DNAH5: variants seen among roughly 807,000 people sequenced by gnomAD.
DNAH5 encodes dynein axonemal heavy chain 5, also known as axonemal beta dynein heavy chain 5.
A neutral mutation model predicts 518.2 loss-of-function variants in DNAH5; 372 were observed. The observed-to-expected ratio is 0.72, with a 90% CI of 0.66 to 0.78. DNAH5 has a LOEUF of 0.78. Among genes scored for constraint, DNAH5 ranks in the 30% least tolerant of loss-of-function variants. DNAH5 has a pLI of 0.00. For synonymous variants in DNAH5, 2,039 were observed against 2,025.9 expected (o/e 1.01, Z -0.17); for missense variants, 5,523 against 5,687.0 (o/e 0.97, Z 0.93).
At position 13,931,168 on chromosome 5, in the gene DNAH5, G is replaced by A; in HGVS notation, c.134C>T (p.Ala45Val). Reference sequence around the variant, plus strand: ...GGTTTTGTTCAGGTCCAAACAGGAAGCCACAATTGCAAATAAGTAGTTATG... The same window carrying A: ...GGTTTTGTTCAGGTCCAAACAGGAAACCACAATTGCAAATAAGTAGTTATG... ...ARHNYLFAIV[A>V]SCLDLNKTEV... is the part of the protein sequence containing the mutation. The change falls in exon 2 of 79, where the codon GCT becomes GTT. Residue 45 changes from alanine (A) to valine (V), a missense_variant. Ala to Val is a moderately conservative substitution (Grantham distance 64, BLOSUM62 0). Coordinates refer to ENST00000265104, the MANE Select transcript of DNAH5 (RefSeq NM_001369.3). 1 of 1,614,116 alleles carries A rather than the reference G, an allele frequency of 6.2e-7. No individual in the cohort carries two copies. Among genetic ancestry groups the A allele is most frequent in the South Asian group, 1.1e-5 (1 of 91,084 alleles).
At chr5:13,711,200 G>C (rs946067225) in intron 75 of DNAH5, among the ~76,000 whole-genome samples, 1 of 152,112 alleles carries the variant, frequency 6.6e-6, no homozygotes, top group African/African-American at 2.4e-5. Flanking sequence ...CAGGGATGCA[G>C]GGATGGTTTA....
chr5:13,937,504 C>A (rs1181029171), intron 1 of DNAH5, among the ~76,000 whole-genome samples: 1 of 151,064 alleles, frequency 6.6e-6, no homozygotes, highest in Non-Finnish European at 1.5e-5. Context: ...AGGTTAGTTC[C>A]TCATTTGGGT....
chr5:13,753,298 A>G lies in DNAH5; in HGVS notation c.10807T>C (p.Leu3603=), dbSNP rs1456644893. 10 of 1,614,040 alleles carry G rather than the reference A, an allele frequency of 6.2e-6. No homozygotes were observed. Among genetic ancestry groups the G allele is most frequent in the Non-Finnish European group, 7.6e-6 (9 of 1,179,940 alleles). ...TTGCCTTGAGTCTGTGGATCAATTA[A>G]CAAAGGGTAACGAGATGCCTTCGTG... ...IVTKASRYPL[L]IDPQTQGKIW... Residue 3603 remains leucine, a synonymous_variant, in exon 63 of 79, where the codon TTA becomes CTA. Transcript: ENST00000265104.
chr5:13,906,174 G>A (rs564715881), intron 12 of DNAH5, among the ~76,000 whole-genome samples: 16 of 152,122 alleles, frequency 1.1e-4, no homozygotes, highest in South Asian at 4.1e-4. Context: ...ATATTACCAC[G>A]GTCGATGCAT....
rs1422125406 is a variant in DNAH5 at position 13,885,052 on chromosome 5, T to A, written c.2920A>T (p.Thr974Ser). The change falls in exon 19 of 79, where the codon ACA becomes TCA. Residue 974 changes from threonine (T) to serine (S), a missense_variant. Thr to Ser is a moderately conservative substitution (Grantham distance 58). Transcript: ENST00000265104. ...HQNMDALLKV[T>S]RNTLEAIRKR... is the part of the protein sequence containing the mutation. ...CGAATGGCCTCTAGTGTATTCCTTG[T>A]AACTTTCAGAAGAGCATCCATGTTC... The A allele has an allele frequency of 6.2e-7, 1 of 1,614,204 alleles. No individual in the cohort carries two copies. Among genetic ancestry groups the A allele is most frequent in the Admixed American group, 1.7e-5 (1 of 60,034 alleles).
intron 65 of DNAH5, 49 bp from the exon 66 acceptor site, chr5:13,737,544 T>C: frequency 6.3e-7 from 1 of 1,589,698 alleles, no homozygotes; most frequent in Non-Finnish European, 8.6e-7. Flanking sequence ...CAACTCTTGT[T>C]GAGTATTCCT....
At chr5:13,695,368 C>A (rs568719691) in intron 78 of DNAH5, among the ~76,000 whole-genome samples, 7 of 152,138 alleles carry the variant, frequency 4.6e-5, no homozygotes, top group Non-Finnish European at 8.8e-5. Context: ...CCTGTGCCCT[C>A]CCACTGCCTA....
At chr5:13,872,341 A>G (rs1404053758) in intron 22 of DNAH5, among the ~76,000 whole-genome samples, 1 of 152,226 alleles carries the variant, frequency 6.6e-6, no homozygotes, top group African/African-American at 2.4e-5. Flanking sequence ...CATAAAATGT[A>G]TAATTCATAT....
chr5:13,933,913 G>A (rs1404233285), intron 1 of DNAH5, among the ~76,000 whole-genome samples: 1 of 152,090 alleles, frequency 6.6e-6, no homozygotes, highest in East Asian at 1.9e-4. Context: ...GGATTGGTTG[G>A]GTTAATTAGG....
At chr5:13,824,550 T>C (rs1762648988) in intron 38 of DNAH5, among the ~76,000 whole-genome samples, 1 of 152,234 alleles carries the variant, frequency 6.6e-6, no homozygotes. Context: ...ATCATTAGCT[T>C]AAGCCCTTAG....
chr5:13,819,664 C>A (rs1028729564), intron 41 of DNAH5, among the ~76,000 whole-genome samples: 1 of 152,092 alleles, frequency 6.6e-6, no homozygotes. Flanking sequence ...GAAAGAGAGT[C>A]ATCCATGTCT....
In DNAH5 at chr5:13,771,569, C is replaced by A. The variant is rs145689968; in HGVS notation, c.9374-589G>T. ...TCTCCTGTTGGAGACCTTTACCTTC[C>A]CCACATTGCCAAATGGGGGACCAAT... On this transcript the variant is annotated intron_variant, in intron 55 of 78. Coordinates refer to ENST00000265104, the MANE Select transcript of DNAH5 (RefSeq NM_001369.3). 5.5e-3 allele frequency among the ~76,000 whole-genome samples: 831 copies of A among 152,132 alleles called. 2 individuals carry two copies. Among genetic ancestry groups the A allele is most frequent in the African/African-American group, 0.019 (781 of 41,488 alleles).
intron 7 of DNAH5, among the ~76,000 whole-genome samples, chr5:13,918,813 T>C (rs996009439): frequency 6.6e-6 from 1 of 152,182 alleles, no homozygotes; most frequent in African/African-American, 2.4e-5. Context: ...TTTTGCAATA[T>C]AAAACTAATA....
At chr5:13,897,528 T>C (rs1160799567) in intron 15 of DNAH5, 1 of 152,262 alleles carries the variant, frequency 6.6e-6, no homozygotes, top group Admixed American at 6.5e-5. Context: ...TGGTCTTCTC[T>C]TTCTAGTTAA....
At position 13,973,287 on chromosome 5, in the gene DNAH5, C is replaced by A. The variant is rs982748580; in HGVS notation, c.12+38361G>T. On this transcript the variant is annotated intron_variant, in intron 1 of 78. Coordinates refer to the DNAH5 transcript ENST00000681290. ...AAGCTCCAGAAGGAATGACTGCCAG[C>A]ATTTTGATTTTAGCCCGGTAAAACT... Among the ~76,000 whole-genome samples, 5 of 152,250 alleles carry A rather than the reference C, an allele frequency of 3.3e-5. No homozygotes were observed. The East Asian group carries it at 9.6e-4, about 29-fold the overall frequency.
chr5:13,702,446 T>C (rs951627765), intron 76 of DNAH5, among the ~76,000 whole-genome samples: 1 of 152,208 alleles, frequency 6.6e-6, no homozygotes, highest in Non-Finnish European at 1.5e-5. Context: ...GTGTTTATAC[T>C]ACGTTCGGTC....
At chr5:13,729,292 T>A in intron 69 of DNAH5, 147 bp downstream of exon 69, 1 of 1,042,704 alleles carries the variant, frequency 9.6e-7, no homozygotes, top group East Asian at 2.6e-5. Context: ...AGTGTAAGTG[T>A]GCTTTCAAGA....
Position 13,926,979 on chromosome 5 carries a change from T to A in DNAH5, c.277+1115A>T, listed in dbSNP as rs544739569. On this transcript the variant is annotated intron_variant, in intron 3 of 78. Coordinates refer to ENST00000265104, the MANE Select transcript of DNAH5 (RefSeq NM_001369.3). Reference sequence around the variant, plus strand: ...GCCAGTTCGAATTTGCATGCATAATTTCTTCAGTTTTTAAACAAAGAAGTA... The same window carrying A: ...GCCAGTTCGAATTTGCATGCATAATATCTTCAGTTTTTAAACAAAGAAGTA... Among the ~76,000 whole-genome samples the A allele has an allele frequency of 2.6e-5, 4 of 152,342 alleles. No individual in the cohort carries two copies. The South Asian group carries it at 8.3e-4, about 32-fold the overall frequency.
intron 22 of DNAH5, among the ~76,000 whole-genome samples, chr5:13,872,025 G>A (rs1770186764): frequency 1.3e-5 from 2 of 152,182 alleles, no homozygotes; most frequent in South Asian, 4.1e-4. Context: ...GACAGTTCTT[G>A]AAGATCCTGT....
Sources: allele counts gnomAD v4.1 joint callset (sites outside exome capture counted in the v4.1 genomes callset), GRCh38; gene constraint gnomAD v4.1.1; transcripts MANE v1.5; gene names NCBI Gene and HGNC (gene_info 2026-07-23, HGNC 2026-07-21).